Variants in DRC8 observed in about 807,000 individuals in gnomAD.
DRC8 encodes dynein regulatory complex subunit 8.
At chr1:244,970,641 G>GCTCCGCCCCGCCCCGCCTCTCTC in the DRC8 span, 1 of 82,332 alleles carries the variant, frequency 1.2e-5, no homozygotes, top group Admixed American at 1.7e-4. Flanking sequence ...CCGCCGCTCC[G>GCTCCGCCCCGCCCCGCCTCTCTC]CCCCGCCCCG....
chr1:245,113,422 A>G, the DRC8 span, among the ~76,000 whole-genome samples: 1 of 152,276 alleles, frequency 6.6e-6, no homozygotes, highest in East Asian at 1.9e-4. Flanking sequence ...TTGTCTTCTC[A>G]TTGTTCAATT....
chr1:244,999,797 A>AGTTTTTTT, the DRC8 span, among the ~76,000 whole-genome samples: 4,250 of 152,004 alleles, frequency 0.028, 193 homozygotes, highest in African/African-American at 0.097. Flanking sequence ...CCCATGATAA[A>AGTTTTTTT]GTTTTTTTGT....
At chr1:245,118,927 T>A in the DRC8 span, among the ~76,000 whole-genome samples, 1 of 152,198 alleles carries the variant, frequency 6.6e-6, no homozygotes, top group Non-Finnish European at 1.5e-5. Flanking sequence ...GGACAGCTGA[T>A]GAGCTCCTCA....
chr1:244,970,553 G>T, the DRC8 span: 8 of 1,403,740 alleles, frequency 5.7e-6, no homozygotes, highest in African/African-American at 9.3e-5. Context: ...GTTCCCACCC[G>T]CAGGGAAAGG....
the DRC8 span, among the ~76,000 whole-genome samples, chr1:244,987,866 A>G: frequency 6.6e-6 from 1 of 152,126 alleles, no homozygotes; most frequent in South Asian, 2.1e-4. Flanking sequence ...TAGATATTTA[A>G]ATATGTAAAC....
chr1:245,002,576 G>A, the DRC8 span, among the ~76,000 whole-genome samples: 1 of 152,084 alleles, frequency 6.6e-6, no homozygotes, highest in East Asian at 1.9e-4. Flanking sequence ...CCGAGCTGAA[G>A]TACAGTGGTG....
At chr1:245,020,613 C>CT in the DRC8 span, among the ~76,000 whole-genome samples, 1,987 of 59,700 alleles carry the variant, frequency 0.033, 119 homozygotes, top group African/African-American at 0.092. Context: ...GTTTTTCTTT[C>CT]TTTTTTTTTT....
At chr1:245,122,622 C>G in the DRC8 span, 3 of 152,318 alleles carry the variant, frequency 2.0e-5, no homozygotes, top group South Asian at 6.2e-4. Flanking sequence ...CCACGCCCAG[C>G]TAATGTTTTT....
the DRC8 span, among the ~76,000 whole-genome samples, chr1:244,997,451 G>A: frequency 1.3e-5 from 2 of 150,470 alleles, no homozygotes; most frequent in Admixed American, 6.6e-5. Flanking sequence ...AGCTGAATCA[G>A]TCTACTTCCA....
chr1:245,111,889 T>C, the DRC8 span, among the ~76,000 whole-genome samples: 2 of 152,066 alleles, frequency 1.3e-5, no homozygotes, highest in East Asian at 3.9e-4. Context: ...AAAAAAAAAT[T>C]AGCTGGGTGT....
the DRC8 span, among the ~76,000 whole-genome samples, chr1:245,028,209 T>C: frequency 6.6e-6 from 1 of 152,232 alleles, no homozygotes; most frequent in Non-Finnish European, 1.5e-5. Context: ...TTTACATGTT[T>C]TTTTTGTGCT....
At chr1:245,120,327 C>G in the DRC8 span, among the ~76,000 whole-genome samples, 1 of 152,164 alleles carries the variant, frequency 6.6e-6, no homozygotes, top group Non-Finnish European at 1.5e-5. Flanking sequence ...GTCCCATACG[C>G]TCAGTTCCTA....
chr1:245,086,488 TA>T, the DRC8 span, among the ~76,000 whole-genome samples: 2 of 152,238 alleles, frequency 1.3e-5, no homozygotes, highest in African/African-American at 4.8e-5. Context: ...AGTTTGAGAA[TA>T]TGCATTCCTA....
the DRC8 span, among the ~76,000 whole-genome samples, chr1:245,049,612 TCAA>T: frequency 1.4e-4 from 22 of 152,022 alleles, no homozygotes; most frequent in Admixed American, 3.9e-4. The surrounding 1 kb of genome is among the most constrained non-coding windows in gnomAD (Gnocchi z 4.5). Flanking sequence ...GAAAAAATCA[TCAA>T]CAACAACAAC....
At chr1:245,054,380 G>C in the DRC8 span, among the ~76,000 whole-genome samples, 2 of 151,966 alleles carry the variant, frequency 1.3e-5, no homozygotes, top group Non-Finnish European at 2.9e-5. Flanking sequence ...GATCCTCCTT[G>C]ACCCACTGCA....
chr1:244,974,761 C>G, the DRC8 span, among the ~76,000 whole-genome samples: 107 of 151,946 alleles, frequency 7.0e-4, 1 homozygote, highest in South Asian at 0.021. Context: ...GTGGTGCCAT[C>G]ACGGCTCACT....
At chr1:245,030,103 C>T in the DRC8 span, among the ~76,000 whole-genome samples, 2 of 152,200 alleles carry the variant, frequency 1.3e-5, no homozygotes, top group Non-Finnish European at 1.5e-5. Context: ...ATTAGATTCA[C>T]TCGAAAAGTG....
the DRC8 span, among the ~76,000 whole-genome samples, chr1:245,057,637 ATCT>A: frequency 8.5e-6 from 1 of 117,584 alleles, no homozygotes; most frequent in African/African-American, 3.5e-5. Context: ...TCCTTCAAAA[ATCT>A]TTTTTTTTTT....
the DRC8 span, among the ~76,000 whole-genome samples, chr1:245,084,083 C>CTT: frequency 2.5e-4 from 24 of 94,614 alleles, no homozygotes; most frequent in Non-Finnish European, 3.5e-4. Flanking sequence ...GGCGCCCCGG[C>CTT]TTTTTTTTTT....
Sources: gnomAD v4.1 joint callset for allele counts (sites outside exome capture counted in the v4.1 genomes callset) on GRCh38, gnomAD v4.1.1 for gene constraint, Gnocchi (gnomAD v3.1) non-coding constraint, MANE v1.5 for transcripts, NCBI Gene and HGNC (gene_info 2026-07-23, HGNC 2026-07-21) for gene names.